The following TMEM268 variants were observed in gnomAD, a reference collection of about 807,000 sequenced individuals.
TMEM268 encodes the protein transmembrane protein C9orf91.
A neutral mutation model predicts 39.1 loss-of-function variants in TMEM268; 24 were observed. The ratio of observed to expected loss-of-function variants is 0.61; its 90% CI spans 0.44 to 0.86. The LOEUF (loss-of-function observed/expected upper bound fraction) is 0.86. TMEM268 is among the 40% of genes least tolerant of loss of function. The probability of loss-of-function intolerance (pLI) is 0.00; values close to 1 mark genes in which losing one functional copy is unlikely to be tolerated. For synonymous variants in TMEM268, 176 were observed against 173.5 expected (o/e 1.01, Z -0.12); for missense variants, 409 against 428.6 (o/e 0.95, Z 0.40).
chr9:114,604,342 C>T, the TMEM268 span, among the ~76,000 whole-genome samples: 1 of 151,906 alleles, frequency 6.6e-6, no homozygotes, highest in Middle Eastern at 3.2e-3. Context: ...CTTTGGGAGG[C>T]CGAGGCTGGT....
chr9:114,642,312 C>G (rs2133725577), intron 8 of TMEM268, among the ~76,000 whole-genome samples: 1 of 152,218 alleles, frequency 6.6e-6, no homozygotes, highest in Non-Finnish European at 1.5e-5. Flanking sequence ...TTGTGATAAA[C>G]CTAATTTTTA....
At chr9:114,637,494 A>G (rs1293539432) in intron 7 of TMEM268, among the ~76,000 whole-genome samples, 1 of 152,074 alleles carries the variant, frequency 6.6e-6, no homozygotes, top group Non-Finnish European at 1.5e-5. Flanking sequence ...GGGTTTCACC[A>G]TGTTGGCCAG....
chr9:114,612,441 C>T (rs546868239), intron 1 of TMEM268, among the ~76,000 whole-genome samples: 11 of 152,020 alleles, frequency 7.2e-5, no homozygotes, highest in Admixed American at 5.3e-4. Context: ...CTCCACCCTG[C>T]TGTCTGTCTG....
intron 6 of TMEM268, among the ~76,000 whole-genome samples, chr9:114,634,505 G>A (rs1304866248): frequency 6.6e-6 from 1 of 152,110 alleles, no homozygotes; most frequent in African/African-American, 2.4e-5. Context: ...GACTAGTATG[G>A]CGTGGCAGGG....
At chr9:114,624,222 C>T in intron 2 of TMEM268, 128 bp from the exon 3 acceptor site, 2 of 1,459,896 alleles carry the variant, frequency 1.4e-6, no homozygotes, top group South Asian at 1.4e-5. Flanking sequence ...TGAGGATGGC[C>T]ACCGTGTCCC....
intron 6 of TMEM268, among the ~76,000 whole-genome samples, chr9:114,635,990 G>A (rs1057107440): frequency 2.0e-5 from 3 of 152,216 alleles, no homozygotes; most frequent in Non-Finnish European, 4.4e-5. Context: ...ATGACATTGG[G>A]AGACTAGTTG....
intron 2 of TMEM268, among the ~76,000 whole-genome samples, chr9:114,619,384 C>T (rs1027448534): frequency 9.2e-5 from 14 of 152,172 alleles, no homozygotes; most frequent in South Asian, 2.1e-4. Flanking sequence ...TATTTTTAAG[C>T]GGAGGACTTG....
intron 6 of TMEM268, among the ~76,000 whole-genome samples, chr9:114,634,966 C>T (rs773841158): frequency 2.6e-5 from 4 of 152,140 alleles, no homozygotes; most frequent in South Asian, 2.1e-4. Flanking sequence ...TTTTTAGCCT[C>T]GTTTATCTTT....
At chr9:114,630,538 G>C (rs1846351642) in intron 5 of TMEM268, among the ~76,000 whole-genome samples, 2 of 152,174 alleles carry the variant, frequency 1.3e-5, no homozygotes, top group Admixed American at 6.5e-5. Flanking sequence ...CTTATAAGGA[G>C]GCAGGATACC....
chr9:114,622,445 G>C, intron 2 of TMEM268: 1 of 985,208 alleles, frequency 1.0e-6, no homozygotes, highest in Non-Finnish European at 1.2e-6. Flanking sequence ...CTTGTACTGT[G>C]GTGCAAGGAG....
intron 5 of TMEM268, among the ~76,000 whole-genome samples, chr9:114,630,941 A>G (rs1846367528): frequency 6.6e-6 from 1 of 150,958 alleles, no homozygotes; most frequent in African/African-American, 2.4e-5. Flanking sequence ...CTCTGTTGTT[A>G]CTTGATGTCT....
chr9:114,622,095 C>T, intron 2 of TMEM268: 2 of 985,316 alleles, frequency 2.0e-6, no homozygotes, highest in Non-Finnish European at 2.4e-6. Context: ...GTTTTGTTTG[C>T]CTAGTTGGCA....
chr9:114,620,750 A>G (rs765348378), intron 2 of TMEM268, among the ~76,000 whole-genome samples: 35 of 152,268 alleles, frequency 2.3e-4, no homozygotes, highest in Middle Eastern at 3.4e-3. Flanking sequence ...AATTATTTGT[A>G]AAGTCCTTTG....
At chr9:114,607,237 G>T (rs975986624), upstream of TMEM268, among the ~76,000 whole-genome samples, 1 of 152,168 alleles carries the variant, frequency 6.6e-6, no homozygotes, top group Non-Finnish European at 1.5e-5. Context: ...CAGGGTTAGG[G>T]GCAGGGGGAT....
At chr9:114,628,846 G>A (rs1476573150) in intron 5 of TMEM268, among the ~76,000 whole-genome samples, 2 of 152,178 alleles carry the variant, frequency 1.3e-5, no homozygotes, top group Non-Finnish European at 2.9e-5. Context: ...TGTTCCGAAA[G>A]GAGGTGGATA....
rs544080323 is a variant in TMEM268 at position 114,628,140 on chromosome 9, A to G, written c.364A>G (p.Ser122Gly). The change falls in exon 5 of 9, where the codon AGT becomes GGT. Residue 122 changes from serine (S) to glycine (G), a missense_variant. Ser to Gly is a moderately conservative substitution (Grantham distance 56). Transcript: ENST00000288502. Reference sequence around the variant, plus strand: ...GGTGTGGGCCAATATCTACTCTACCAGTCAGATGTTTGCCTTGGGGAACCA... The same window carrying G: ...GGTGTGGGCCAATATCTACTCTACCGGTCAGATGTTTGCCTTGGGGAACCA... ...VVVWANIYSTSQMFALGNHWA... is the reference protein window; with the variant it reads ...VVVWANIYSTGQMFALGNHWA... 456 of 1,614,160 alleles carry G rather than the reference A, an allele frequency of 2.8e-4. 10 individuals carry two copies. The South Asian group carries it at 4.9e-3, about 17-fold the overall frequency.
At chr9:114,633,641 G>T in intron 5 of TMEM268, 127 bp from the exon 6 acceptor site, 1 of 492,054 alleles carries the variant, frequency 2.0e-6, no homozygotes, top group Non-Finnish European at 3.6e-6. Flanking sequence ...GAGGAAATGG[G>T]ACAGTCCTGA....
chr9:114,627,114 C>A, intron 4 of TMEM268, 108 bp downstream of exon 4: 1 of 759,088 alleles, frequency 1.3e-6, no homozygotes, highest in Non-Finnish European at 2.2e-6. Flanking sequence ...GGCTTGGGGG[C>A]TGTTGGCCCA....
chr9:114,613,390 T>C (rs1324120957), intron 1 of TMEM268, among the ~76,000 whole-genome samples: 1 of 152,224 alleles, frequency 6.6e-6, no homozygotes, highest in Non-Finnish European at 1.5e-5. Flanking sequence ...GAGACTCTAG[T>C]ACAGCTTCTC....
Sources: gnomAD v4.1 joint callset for allele counts (sites outside exome capture counted in the v4.1 genomes callset) on GRCh38, gnomAD v4.1.1 for gene constraint, MANE v1.5 for transcripts, NCBI Gene and HGNC (gene_info 2026-07-23, HGNC 2026-07-21) for gene names.